The following PTPRQ variants were observed in gnomAD, a reference collection of about 807,000 sequenced individuals.
PTPRQ encodes the protein phosphatidylinositol phosphatase PTPRQ.
PTPRQ carries 199 observed loss-of-function variants against 246.0 expected under a neutral mutation model. That is an observed-to-expected ratio of 0.81 (90% confidence interval 0.72 to 0.91). The LOEUF is 0.91. PTPRQ is among the 40% of genes least tolerant of loss of function. PTPRQ has a pLI of 0.00. For missense variants in PTPRQ, 2,624 were observed against 2,528.4 expected (o/e 1.04, Z -0.81); for synonymous variants, 869 against 853.2 (o/e 1.02, Z -0.32).
chr12:80,476,606 C>T (rs1893818789), intron 8 of PTPRQ, among the ~76,000 whole-genome samples: 1 of 152,140 alleles, frequency 6.6e-6, no homozygotes, highest in Admixed American at 6.5e-5. Context: ...TATATTTGCT[C>T]ATTATAAATA....
chr12:80,620,128 ATTG>A (rs1259085761), intron 31 of PTPRQ, 23 bp from the exon 32 acceptor site: 1 of 1,519,212 alleles, frequency 6.6e-7, no homozygotes, highest in Non-Finnish European at 8.8e-7. Context: ...ACTTGGAATT[ATTG>A]TTCTCTTTGT....
intron 25 of PTPRQ, among the ~76,000 whole-genome samples, chr12:80,563,392 T>A (rs1305478857): frequency 6.6e-6 from 1 of 151,930 alleles, no homozygotes; most frequent in African/African-American, 2.4e-5. Flanking sequence ...CCTCATGAGC[T>A]AATCCCACTC....
At chr12:80,547,639 G>A (rs1784896603) in intron 24 of PTPRQ, among the ~76,000 whole-genome samples, 1 of 152,072 alleles carries the variant, frequency 6.6e-6, no homozygotes, top group South Asian at 2.1e-4. Flanking sequence ...ATTTGAATTT[G>A]AGCCCCATGA....
At chr12:80,580,750 G>T (rs1279432941) in intron 25 of PTPRQ, among the ~76,000 whole-genome samples, 1 of 152,088 alleles carries the variant, frequency 6.6e-6, no homozygotes, top group Non-Finnish European at 1.5e-5. Flanking sequence ...GAAAACAAAA[G>T]GCTGTTTCAA....
At chr12:80,650,741 A>G (rs942688749) in intron 37 of PTPRQ, among the ~76,000 whole-genome samples, 6 of 152,020 alleles carry the variant, frequency 3.9e-5, no homozygotes, top group Non-Finnish European at 7.4e-5. Flanking sequence ...ATTTTTCAGG[A>G]GCAAAAGTGT....
intron 26 of PTPRQ, among the ~76,000 whole-genome samples, chr12:80,601,718 T>C (rs1366036333): frequency 6.6e-6 from 1 of 151,680 alleles, no homozygotes; most frequent in African/African-American, 2.4e-5. Flanking sequence ...TCCCCTTTTA[T>C]AGAGTCAGAG....
At chr12:80,604,981 TCATGG>T in intron 26 of PTPRQ, 73 bp from the exon 27 acceptor site, 1 of 1,336,936 alleles carries the variant, frequency 7.5e-7, no homozygotes. Context: ...TATCCATTTT[TCATGG>T]TCTTTTCTAT....
chr12:80,617,307 A>G (rs1898799804), intron 30 of PTPRQ, among the ~76,000 whole-genome samples: 1 of 151,380 alleles, frequency 6.6e-6, no homozygotes. Context: ...TATTAAGAAT[A>G]AAAAATATTC....
intron 8 of PTPRQ, among the ~76,000 whole-genome samples, chr12:80,482,524 T>C (rs1007844804): frequency 6.6e-6 from 1 of 150,638 alleles, no homozygotes; most frequent in African/African-American, 2.5e-5. Flanking sequence ...AATTGACAAA[T>C]GGGATCTAAT....
chr12:80,634,783 A>T lies in PTPRQ; in HGVS notation c.5787-162A>T, dbSNP rs1437094970. ...GAATAGGTTCTATGGAATTAAAACA[A>T]GAAAAAGAAGTCGAGTAGCTATAAA... On this transcript the variant is annotated intron_variant, in intron 34 of 44. Coordinates refer to ENST00000644991, the MANE Select transcript of PTPRQ (RefSeq NM_001145026.2). 4.9e-5 allele frequency: 51 copies of T among 1,040,728 alleles called. No homozygotes were observed. The Admixed American group carries it at 1.7e-3, about 34-fold the overall frequency. The allele number at this position is 1,040,728 out of a possible 1,614,324, so 64.5% of individuals were successfully genotyped here.
chr12:80,611,519 C>A (rs942199096), intron 28 of PTPRQ, among the ~76,000 whole-genome samples: 1 of 150,226 alleles, frequency 6.7e-6, no homozygotes, highest in Non-Finnish European at 1.5e-5. Flanking sequence ...TGCCAAGTAT[C>A]ACAGGTATCT....
chr12:80,528,775 ATCCTTCC>A (rs1895763601), intron 17 of PTPRQ, among the ~76,000 whole-genome samples: 1 of 152,162 alleles, frequency 6.6e-6, no homozygotes, highest in Non-Finnish European at 1.5e-5. Flanking sequence ...TTCAAGTGCA[ATCCTTCC>A]TCCTGCCTTC....
chr12:80,563,912 T>G (rs1198835893), intron 25 of PTPRQ, among the ~76,000 whole-genome samples: 1 of 152,148 alleles, frequency 6.6e-6, no homozygotes, highest in Non-Finnish European at 1.5e-5. Context: ...AGGCTCTGTA[T>G]TCAACATTTG....
At chr12:80,624,805 A>G (rs886792068) in intron 33 of PTPRQ, among the ~76,000 whole-genome samples, 2 of 152,192 alleles carry the variant, frequency 1.3e-5, no homozygotes, top group Admixed American at 1.3e-4. Context: ...AGGGGTGTCC[A>G]ATCTATTGGC....
chr12:80,571,319 TA>T (rs1355844246), intron 25 of PTPRQ, among the ~76,000 whole-genome samples: 2 of 152,194 alleles, frequency 1.3e-5, no homozygotes, highest in African/African-American at 4.8e-5. Flanking sequence ...TTTATATTTT[TA>T]GTAGAGACAG....
At chr12:80,494,142 A>G (rs1327679030) in intron 10 of PTPRQ, among the ~76,000 whole-genome samples, 2 of 152,060 alleles carry the variant, frequency 1.3e-5, no homozygotes, top group Non-Finnish European at 2.9e-5. Flanking sequence ...AAATCACATT[A>G]CATTCAATAG....
rs368172910 is a variant in PTPRQ, at chr12:80,652,229, C to G, written c.6025-515C>G. Among the ~76,000 whole-genome samples the G allele has an allele frequency of 3.4e-3, 520 of 152,162 alleles. 5 individuals are homozygous for G. Among genetic ancestry groups the G allele is most frequent in the African/African-American group, 0.012 (511 of 41,550 alleles). On this transcript the variant is annotated intron_variant, in intron 37 of 44. Coordinates refer to ENST00000644991, the MANE Select transcript of PTPRQ (RefSeq NM_001145026.2). The stretch of plus-strand genomic sequence containing the variant: ...GACCCTTCATCTATATCTGATAATT[C>G]TTAATTGCACCTTTGCATTCCATTA...
At chr12:80,450,837 C>T (rs1361810796) in intron 3 of PTPRQ, among the ~76,000 whole-genome samples, 2 of 152,136 alleles carry the variant, frequency 1.3e-5, no homozygotes, top group South Asian at 4.1e-4. Flanking sequence ...GTCTAAAATT[C>T]TCTTTTTTGG....
chr12:80,591,658 A>AT (rs1230904092), intron 26 of PTPRQ, among the ~76,000 whole-genome samples: 1 of 152,204 alleles, frequency 6.6e-6, no homozygotes, highest in Non-Finnish European at 1.5e-5. Context: ...GAACCTGCTG[A>AT]TTTTGTCAAG....
Sources: gnomAD v4.1 joint callset for allele counts (sites outside exome capture counted in the v4.1 genomes callset) on GRCh38, gnomAD v4.1.1 for gene constraint, MANE v1.5 for transcripts, NCBI Gene and HGNC (gene_info 2026-07-23, HGNC 2026-07-21) for gene names.